KCNJ6: variants seen among roughly 807,000 people sequenced by gnomAD.
KCNJ6 encodes potassium inwardly rectifying channel subfamily J member 6, also known as G protein-activated inward rectifier potassium channel 2.
Under a neutral mutation model 34.2 loss-of-function variants are expected in KCNJ6, and 9 were observed. The ratio of observed to expected loss-of-function variants is 0.26; its 90% confidence interval spans 0.16 to 0.46. KCNJ6 has a LOEUF of 0.46. Ranked by LOEUF, KCNJ6 falls within the 20% of genes least tolerant of loss-of-function variation. The probability of loss-of-function intolerance (pLI) is 1.00; values close to 1 mark genes in which losing one functional copy is unlikely to be tolerated. For synonymous variants in KCNJ6, 196 were observed against 207.1 expected, an observed-to-expected ratio of 0.95 and a Z score of 0.46; for missense variants, 236 against 531.3, an observed-to-expected ratio of 0.44 and a Z score of 5.46.
At chr21:37,799,566 A>T (rs2055259661) in intron 2 of KCNJ6, among the ~76,000 whole-genome samples, 1 of 152,230 alleles carries the variant, frequency 6.6e-6, no homozygotes, top group African/African-American at 2.4e-5. Flanking sequence ...GGCAGAAAAA[A>T]TAATGCCTCA....
intron 2 of KCNJ6, among the ~76,000 whole-genome samples, chr21:37,786,012 T>C (rs186436700): frequency 1.3e-5 from 2 of 152,344 alleles, no homozygotes; most frequent in African/African-American, 2.4e-5. Context: ...GAGAAATAAA[T>C]CTGTGGTTTA....
chr21:37,753,030 G>A (rs2055004202), intron 2 of KCNJ6, among the ~76,000 whole-genome samples: 1 of 152,224 alleles, frequency 6.6e-6, no homozygotes, highest in African/African-American at 2.4e-5. Flanking sequence ...AGGGCAAGGT[G>A]GGCTGGGCAG....
chr21:37,838,780 GT>G (rs146791597), intron 2 of KCNJ6, among the ~76,000 whole-genome samples: 1 of 152,172 alleles, frequency 6.6e-6, no homozygotes, highest in East Asian at 1.9e-4. Context: ...TTGGCTCTGT[GT>G]CCCCATGCAA....
At chr21:37,785,631 T>A (rs939346221) in intron 2 of KCNJ6, among the ~76,000 whole-genome samples, 3 of 152,214 alleles carry the variant, frequency 2.0e-5, no homozygotes, top group African/African-American at 7.2e-5. Flanking sequence ...ACAAATGCAT[T>A]ATCAATATTA....
At chr21:37,686,849 C>T (rs572611879) in intron 3 of KCNJ6, among the ~76,000 whole-genome samples, 4 of 151,792 alleles carry the variant, frequency 2.6e-5, no homozygotes, top group South Asian at 2.1e-4. Flanking sequence ...TCACATGCAG[C>T]AGGTGTCAGG....
rs201127739 is a variant in KCNJ6 at position 37,607,483 on chromosome 21, T to TATATATATATATATATATA, written c.*17675_*17676insTATATATATATATATATAT. ...TTAAAGATATATATATATATATATA[T>TATATATATATATATATATA]TTTTTTTTTATTTTAAAAAAATTTG... On this transcript the variant is annotated 3_prime_UTR_variant, in exon 4 of 4. Transcript: ENST00000609713. 6.0e-4 allele frequency: 55 copies of TATATATATATATATATATA among 92,112 alleles called. No individual in the cohort carries two copies. Among genetic ancestry groups the TATATATATATATATATATA allele is most frequent in the Middle Eastern group, 5.9e-3 (1 of 170 alleles). The allele number at this position is 92,112 out of a possible 1,614,324, so 5.7% of individuals were successfully genotyped here.
chr21:37,680,378 A>G (rs1242405622), intron 3 of KCNJ6, among the ~76,000 whole-genome samples: 2 of 152,166 alleles, frequency 1.3e-5, no homozygotes, highest in Admixed American at 1.3e-4. Flanking sequence ...CTCACAGAAC[A>G]GTTGACCAAC....
At chr21:37,821,739 A>C (rs1267975001) in intron 2 of KCNJ6, among the ~76,000 whole-genome samples, 1 of 152,226 alleles carries the variant, frequency 6.6e-6, no homozygotes, top group Non-Finnish European at 1.5e-5. Context: ...GGTTATAGGA[A>C]GACTTTAGTC....
chr21:37,840,823 G>T, intron 1 of KCNJ6, 114 bp from the exon 2 acceptor site: 1 of 598,590 alleles, frequency 1.7e-6, no homozygotes, highest in Non-Finnish European at 3.0e-6. Context: ...TCAGAATTTG[G>T]TTTCCAATAA....
chr21:37,629,427 T>C (rs925662560), intron 3 of KCNJ6, among the ~76,000 whole-genome samples: 7 of 152,118 alleles, frequency 4.6e-5, no homozygotes, highest in Non-Finnish European at 8.8e-5. Context: ...TATGCTGAAG[T>C]CCTAATCTCC....
chr21:37,877,928 T>C (rs1193464692), intron 1 of KCNJ6, among the ~76,000 whole-genome samples: 1 of 152,184 alleles, frequency 6.6e-6, no homozygotes, highest in Non-Finnish European at 1.5e-5. Flanking sequence ...AAAGCACAAG[T>C]TGGAGAAGAG....
chr21:37,657,426 A>T (rs1209762110), intron 3 of KCNJ6, among the ~76,000 whole-genome samples: 1 of 152,146 alleles, frequency 6.6e-6, no homozygotes, highest in Non-Finnish European at 1.5e-5. Flanking sequence ...GAGGCTCAGC[A>T]GTGGGAGCCC....
At position 37,608,806 on chromosome 21, in the gene KCNJ6, G is replaced by A. The variant is rs1350809769; in HGVS notation, c.*16353C>T. On this transcript the variant is annotated 3_prime_UTR_variant, in exon 4 of 4. Transcript: ENST00000609713. Reference sequence around the variant, plus strand: ...TTTCTCAGAGTCTTCATAGTAACTTGTCAAGGACATCACTCACTGTACTGC... The same window carrying A: ...TTTCTCAGAGTCTTCATAGTAACTTATCAAGGACATCACTCACTGTACTGC... 6.6e-6 allele frequency: 1 copy of A among 152,142 alleles called. No homozygotes were observed. The highest frequency in any genetic ancestry group is 1.5e-5 in the Non-Finnish European group (1 of 68,022). 9.4% of individuals were successfully genotyped at this position (152,142 alleles called of 1,614,324 possible).
At chr21:37,632,402 T>A (rs1427315432) in intron 3 of KCNJ6, among the ~76,000 whole-genome samples, 1 of 152,006 alleles carries the variant, frequency 6.6e-6, no homozygotes, top group Non-Finnish European at 1.5e-5. Context: ...TATGCCTAAA[T>A]GCATATATTA....
intron 3 of KCNJ6, among the ~76,000 whole-genome samples, chr21:37,654,227 T>G (rs2054447271): frequency 6.6e-6 from 1 of 150,430 alleles, no homozygotes; most frequent in Non-Finnish European, 1.5e-5. Context: ...ACTCATGGAA[T>G]CAGGAAGCAA....
At chr21:37,689,212 A>G (rs1297982154) in intron 3 of KCNJ6, among the ~76,000 whole-genome samples, 5 of 152,246 alleles carry the variant, frequency 3.3e-5, no homozygotes, top group Non-Finnish European at 7.3e-5. Context: ...TCTGGTGGAC[A>G]GAGCCCTAGT....
intron 3 of KCNJ6, among the ~76,000 whole-genome samples, chr21:37,684,175 G>A (rs1368937057): frequency 1.3e-5 from 2 of 152,148 alleles, no homozygotes; most frequent in East Asian, 1.9e-4. Flanking sequence ...AGATCCAGGT[G>A]TTGGCAGGGT....
chr21:37,790,878 G>A (rs142594242), intron 2 of KCNJ6, among the ~76,000 whole-genome samples: 1 of 152,280 alleles, frequency 6.6e-6, no homozygotes, highest in East Asian at 1.9e-4. Flanking sequence ...GTTTGCTAAT[G>A]GGAATCCTCC....
chr21:37,690,094 TTTGATTGAAATTGTTTGA>T (rs998873973), intron 3 of KCNJ6, among the ~76,000 whole-genome samples: 29 of 568 alleles, frequency 0.051, no homozygotes, highest in Admixed American at 0.042. Context: ...ATTAAAATTG[TTTGATTGAAATTGTTTGA>T]TTGACATATG....
Sources: gnomAD v4.1 joint callset for allele counts (sites outside exome capture counted in the v4.1 genomes callset) on GRCh38, gnomAD v4.1.1 for gene constraint, MANE v1.5 for transcripts, NCBI Gene and HGNC (gene_info 2026-07-23, HGNC 2026-07-21) for gene names.